DEK: variants seen among roughly 807,000 people sequenced by gnomAD.
The protein encoded by DEK is protein DEK.
DEK carries 28 observed loss-of-function variants against 46.8 expected under a neutral mutation model. That is an observed-to-expected ratio of 0.60 (90% CI 0.44 to 0.82). DEK has a LOEUF of 0.82. Ranked by LOEUF, DEK falls within the 40% of genes least tolerant of loss-of-function variation. DEK has a pLI of 0.00. For synonymous variants in DEK, 160 were observed against 144.5 expected (o/e 1.11, Z -0.77); for missense variants, 416 against 430.6 (o/e 0.97, Z 0.30).
chr6:18,249,365 C>T (rs1253334873), intron 7 of DEK, among the ~76,000 whole-genome samples: 1 of 152,214 alleles, frequency 6.6e-6, no homozygotes, highest in Non-Finnish European at 1.5e-5. Context: ...ATATGCACCA[C>T]TTCCGCTTCC....
intron 7 of DEK, among the ~76,000 whole-genome samples, chr6:18,239,363 A>ATTTTT (rs1254747677): frequency 2.5e-4 from 17 of 68,474 alleles, no homozygotes; most frequent in Admixed American, 6.0e-4. Context: ...TTTTTTTTTA[A>ATTTTT]AAAAAAGAGA....
chr6:18,237,594 G>T, intron 7 of DEK, 78 bp from the exon 8 acceptor site: 1 of 1,471,722 alleles, frequency 6.8e-7, no homozygotes, highest in Non-Finnish European at 9.0e-7. Context: ...CTTCCCCTAT[G>T]CCCCTTAATA....
intron 9 of DEK, among the ~76,000 whole-genome samples, chr6:18,229,070 G>A (rs2151076741): frequency 6.6e-6 from 1 of 152,310 alleles, no homozygotes; most frequent in Non-Finnish European, 1.5e-5. Context: ...GGAAGGATCA[G>A]GCAGGACAGT....
At chr6:18,246,553 A>G (rs975914023) in intron 7 of DEK, among the ~76,000 whole-genome samples, 1 of 152,212 alleles carries the variant, frequency 6.6e-6, no homozygotes, top group African/African-American at 2.4e-5. Context: ...ACTTTTGTAA[A>G]ACTGTCATTT....
At chr6:18,259,958 A>T (rs1439468399) in intron 2 of DEK, among the ~76,000 whole-genome samples, 1 of 152,230 alleles carries the variant, frequency 6.6e-6, no homozygotes. Flanking sequence ...TAGTGATTTA[A>T]ACTATTTGCT....
At chr6:18,244,969 A>G (rs1205142950) in intron 7 of DEK, among the ~76,000 whole-genome samples, 1 of 152,192 alleles carries the variant, frequency 6.6e-6, no homozygotes, top group Non-Finnish European at 1.5e-5. Context: ...ATTATAATGG[A>G]GTTTCTCTGA....
intron 9 of DEK, among the ~76,000 whole-genome samples, chr6:18,233,210 T>A (rs1368531761): frequency 6.6e-6 from 1 of 152,160 alleles, no homozygotes; most frequent in African/African-American, 2.4e-5. Context: ...TCAAGATGGA[T>A]TAAAGACTTA....
chr6:18,235,378 T>C (rs1056772516), intron 9 of DEK, among the ~76,000 whole-genome samples: 24 of 152,216 alleles, frequency 1.6e-4, no homozygotes, highest in African/African-American at 5.8e-4. Context: ...TTTCAATTAT[T>C]GTTTTGGTTA....
chr6:18,225,982 C>G (rs7740259), intron 10 of DEK, 192 bp downstream of exon 10: 136,396 of 716,342 alleles, frequency 0.19, 14,695 homozygotes, highest in Non-Finnish European at 0.23. Context: ...CAGGTCTTAT[C>G]ACTAACTGTT....
rs375245912 is a variant in DEK at position 18,253,009 on chromosome 6, C to A, written c.573+2722G>T. ...TGGAAGATATACATAAATATGGCTA[C>A]AACTGAAGTTCAATGGTTTTCTGAA... On this transcript the variant is annotated intron_variant, in intron 6 of 10. Coordinates refer to ENST00000652689, the MANE Select transcript of DEK (RefSeq NM_003472.4). Among the ~76,000 whole-genome samples the A allele has an allele frequency of 8.5e-3, 1,289 of 152,170 alleles. 12 individuals are homozygous for A. Among genetic ancestry groups the A allele is most frequent in the African/African-American group, 0.029 (1,221 of 41,520 alleles).
intron 7 of DEK, among the ~76,000 whole-genome samples, chr6:18,249,367 T>G (rs1791263956): frequency 6.6e-6 from 1 of 152,208 alleles, no homozygotes; most frequent in Non-Finnish European, 1.5e-5. Context: ...ATGCACCACT[T>G]CCGCTTCCCT....
chr6:18,243,080 T>C (rs952424949), intron 7 of DEK, among the ~76,000 whole-genome samples: 3 of 152,146 alleles, frequency 2.0e-5, no homozygotes, highest in African/African-American at 7.2e-5. Context: ...GGTCTTGAAA[T>C]GTACTCCGTT....
At chr6:18,228,232 CATAGACAATAGTTAAATAA>C (rs1222213824) in intron 9 of DEK, among the ~76,000 whole-genome samples, 1 of 152,074 alleles carries the variant, frequency 6.6e-6, no homozygotes, top group African/African-American at 2.4e-5. Flanking sequence ...GCAATGCTGC[CATAGACAATAGTTAAATAA>C]ATAGATGTGG....
In DEK at chr6:18,264,528, A is replaced by T. The variant is rs763445167; in HGVS notation, c.-153T>A. The stretch of plus-strand genomic sequence containing the variant: ...GCGCGCTCGGCTCCCCAGAATCAAC[A>T]AGATTTTCAAAATGGCGGTTCGGGA... On this transcript the variant is annotated 5_prime_UTR_variant, in exon 1 of 11. Coordinates refer to ENST00000652689, the MANE Select transcript of DEK (RefSeq NM_003472.4). 3 of 218,486 alleles carry T rather than the reference A, an allele frequency of 1.4e-5. No individual in the cohort carries two copies. The highest frequency in any genetic ancestry group is 2.9e-5 in the Non-Finnish European group (3 of 103,988). 13.5% of individuals were successfully genotyped at this position (218,486 alleles called of 1,614,324 possible).
chr6:18,233,064 G>T (rs967436424), intron 9 of DEK, among the ~76,000 whole-genome samples: 1 of 152,136 alleles, frequency 6.6e-6, no homozygotes, highest in Non-Finnish European at 1.5e-5. Context: ...TCAACCATAT[G>T]ATCTTTGACA....
chr6:18,245,025 T>C (rs1791046458), intron 7 of DEK, among the ~76,000 whole-genome samples: 1 of 152,204 alleles, frequency 6.6e-6, no homozygotes, highest in Non-Finnish European at 1.5e-5. Context: ...CCACTTTTGA[T>C]CTGCCTTCCT....
chr6:18,239,932 C>G (rs214510), intron 7 of DEK, among the ~76,000 whole-genome samples: 80,525 of 151,952 alleles, frequency 0.53, 22,807 homozygotes, highest in African/African-American at 0.75. Context: ...TTTAGTTAAA[C>G]GGTAATAAAA....
chr6:18,231,462 T>C (rs1199132835), intron 9 of DEK, among the ~76,000 whole-genome samples: 2 of 152,046 alleles, frequency 1.3e-5, no homozygotes, highest in African/African-American at 4.8e-5. Flanking sequence ...ATAAAATTGA[T>C]AGACCGCTAG....
intron 2 of DEK, 84 bp downstream of exon 2, chr6:18,263,759 G>A (rs1389410559): frequency 8.7e-6 from 14 of 1,608,942 alleles, no homozygotes; most frequent in Non-Finnish European, 1.2e-5. Context: ...AACACCAAAA[G>A]AGCAAGAAAA....
Sources: allele counts gnomAD v4.1 joint callset (sites outside exome capture counted in the v4.1 genomes callset), GRCh38; gene constraint gnomAD v4.1.1; transcripts MANE v1.5; gene names NCBI Gene and HGNC (gene_info 2026-07-23, HGNC 2026-07-21).